Variants in TAS2R41 observed in about 807,000 individuals in gnomAD.
TAS2R41 encodes the protein taste receptor type 2 member 41.
A neutral mutation model predicts 25.1 loss-of-function variants in TAS2R41; 33 were observed. The ratio of observed to expected loss-of-function variants is 1.31; its 90% CI spans 1.00 to 1.76. The LOEUF is 1.76. Ranked by LOEUF, TAS2R41 falls within the 40% of genes most tolerant of loss-of-function variation. The probability of loss-of-function intolerance (pLI) is 0.00; values close to 1 mark genes in which losing one functional copy is unlikely to be tolerated. For synonymous variants in TAS2R41, 151 were observed against 151.6 expected (o/e 1.00, Z 0.03); for missense variants, 319 against 359.4 (o/e 0.89, Z 0.91).
At position 143,478,671 on chromosome 7, in the gene TAS2R41, C is replaced by T. The variant is rs775855108; in HGVS notation, c.799C>T (p.Pro267Ser). ...FISMQNDFYW[P>S]WQIAVYLCIS... is the part of the protein sequence containing the mutation. ...CTCCATGCAGAACGACTTTTACTGG[C>T]CATGGCAAATTGCAGTCTACCTGTG... Residue 267 changes from proline (P) to serine (S), a missense_variant, in exon 1 of 1, where the codon CCA (proline) becomes TCA (serine). Physicochemically the swap from Pro to Ser is moderately conservative, Grantham distance 74. Coordinates refer to ENST00000408916, the MANE Select transcript of TAS2R41 (RefSeq NM_176883.2). 13 of 1,614,082 alleles carry T rather than the reference C, an allele frequency of 8.1e-6. No homozygotes were observed. Among genetic ancestry groups the T allele is most frequent in the Non-Finnish European group, 1.0e-5 (12 of 1,180,018 alleles).
At position 143,478,103 on chromosome 7, in the gene TAS2R41, T is replaced by C. The variant is rs762660640; in HGVS notation, c.231T>C (p.Ser77=). 2 of 1,614,074 alleles carry C rather than the reference T, an allele frequency of 1.2e-6. No individual in the cohort carries two copies. The highest frequency in any genetic ancestry group is 1.7e-6 in the Non-Finnish European group (2 of 1,180,020). ...ACTCTGCCCAGAAGGTCGAGTACTC[T>C]GGGGGTCTCGGCCGACAGTTCTTCC... ...FYYSAQKVEY[S]GGLGRQFFHL... The change falls in exon 1 of 1, where the codon TCT becomes TCC. Residue 77 remains serine, a synonymous_variant. Transcript: ENST00000408916.
At position 143,477,962 on chromosome 7, in the gene TAS2R41, G is replaced by C; in HGVS notation, c.90G>C (p.Val30=). 1.2e-6 allele frequency: 2 copies of C among 1,614,130 alleles called. No individual in the cohort carries two copies. The highest frequency in any genetic ancestry group is 1.7e-6 in the Non-Finnish European group (2 of 1,180,036). Residue 30 remains valine (V), a synonymous_variant, in exon 1 of 1, where the codon GTG becomes GTC. Transcript: ENST00000408916. This position sits in a 1 kb window ranked among gnomAD's most constrained non-coding sequence, Gnocchi z 4.0. ...GIAANGFIVL[V]LGREWLRYGR... is the part of the protein sequence containing the mutation. ...CAGCGAATGGCTTCATTGTGCTGGT[G>C]CTGGGCAGGGAGTGGCTGCGATATG...
At position 143,478,786 on chromosome 7, in the gene TAS2R41, G is replaced by C; in HGVS notation, c.914G>C (p.Trp305Ser). The C allele has an allele frequency of 1.2e-6, 2 of 1,613,066 alleles. No individual in the cohort carries two copies. The highest frequency in any genetic ancestry group is 1.7e-6 in the Non-Finnish European group (2 of 1,179,208). The part of the protein sequence containing the change: ...SQLLLLARGF[W>S]VA The stretch of plus-strand genomic sequence containing the variant: ...CTCCTGTTGTTGGCAAGGGGCTTCT[G>C]GGTGGCCTAGATGGCATGGTTTCCT... The change falls in exon 1 of 1, where the codon TGG (tryptophan) becomes TCG (serine). Residue 305 changes from tryptophan (W) to serine (S), a missense_variant. Coordinates refer to ENST00000408916, the MANE Select transcript of TAS2R41 (RefSeq NM_176883.2).
chr7:143,477,969 A>G lies in TAS2R41; in HGVS notation c.97A>G (p.Arg33Gly). The change falls in exon 1 of 1, where the codon AGG becomes GGG. Residue 33 changes from arginine (R) to glycine (G), a missense_variant. Physicochemically the swap from Arg to Gly is moderately radical, Grantham distance 125 (BLOSUM62 -2). Coordinates refer to ENST00000408916, the MANE Select transcript of TAS2R41 (RefSeq NM_176883.2). The surrounding 1 kb of genome is among the most constrained non-coding windows in gnomAD (Gnocchi z 4.0). ...ANGFIVLVLG[R>G]EWLRYGRLLP... The stretch of plus-strand genomic sequence containing the variant: ...TGGCTTCATTGTGCTGGTGCTGGGC[A>G]GGGAGTGGCTGCGATATGGCAGGTT... 1 of 1,614,144 alleles carries G rather than the reference A, an allele frequency of 6.2e-7. No individual in the cohort carries two copies. The highest frequency in any genetic ancestry group is 8.5e-7 in the Non-Finnish European group (1 of 1,180,016).
In TAS2R41 at chr7:143,478,111, TC is replaced by T. The variant is rs767234345; in HGVS notation, c.240del (p.Gly81AlafsTer12). On this transcript the variant is annotated frameshift_variant, in exon 1 of 1. Coordinates refer to ENST00000408916, the MANE Select transcript of TAS2R41 (RefSeq NM_176883.2). LOFTEE classifies it high-confidence loss of function. Reference protein sequence around the residue: ...SAQKVEYSGGLGRQFFHLHWH... With the variant: ...SAQKVEYSGGXGRQFFHLHWH... The stretch of plus-strand genomic sequence containing the variant: ...CAGAAGGTCGAGTACTCTGGGGGTC[TC>T]GGCCGACAGTTCTTCCATCTACACT... The T allele has an allele frequency of 1.2e-6, 2 of 1,613,512 alleles. No individual in the cohort carries two copies. Among genetic ancestry groups the T allele is most frequent in the South Asian group, 2.2e-5 (2 of 91,056 alleles).
In TAS2R41 at chr7:143,478,472, T is replaced by C. The variant is rs1463014813; in HGVS notation, c.600T>C (p.Ile200=). The change falls in exon 1 of 1, where the codon ATT becomes ATC. Residue 200 remains isoleucine (I), a synonymous_variant. Coordinates refer to ENST00000408916, the MANE Select transcript of TAS2R41 (RefSeq NM_176883.2). ...CTTTTTCTGTTTTTCTGGTCTCAATTATGCTGTTAATTAATTCTCTGAGGA... is the reference window on the plus strand; with the variant it reads ...CTTTTTCTGTTTTTCTGGTCTCAATCATGCTGTTAATTAATTCTCTGAGGA... ...SIPFSVFLVS[I]MLLINSLRRH... 1.2e-6 allele frequency: 2 copies of C among 1,614,134 alleles called. No homozygotes were observed. Among genetic ancestry groups the C allele is most frequent in the East Asian group, 4.5e-5 (2 of 44,872 alleles).
In TAS2R41 at chr7:143,478,187, C is replaced by T; in HGVS notation, c.315C>T (p.Val105=). ...ATFWFCSWLS[V]LFCVKIANIT... is the part of the protein sequence containing the mutation. ...TCTGGTTTTGCAGCTGGCTCAGTGT[C>T]CTGTTCTGTGTGAAGATTGCTAACA... is the stretch of plus-strand genomic sequence containing the variant. Residue 105 remains valine, a synonymous_variant, in exon 1 of 1, where the codon GTC becomes GTT. Coordinates refer to ENST00000408916, the MANE Select transcript of TAS2R41 (RefSeq NM_176883.2). 1 of 1,614,084 alleles carries T rather than the reference C, an allele frequency of 6.2e-7. No homozygotes were observed.
In TAS2R41 at chr7:143,478,303, T is replaced by G. The variant is rs747835202; in HGVS notation, c.431T>G (p.Ile144Arg). The part of the protein sequence containing the change: ...LLGSVLISFI[I>R]TLLFFWVNYP... ...GGCTCTGTCCTGATCTCCTTCATCATAACCCTGCTGTTTTTTTGGGTGAAC... is the reference window on the plus strand; with the variant it reads ...GGCTCTGTCCTGATCTCCTTCATCAGAACCCTGCTGTTTTTTTGGGTGAAC... Residue 144 changes from isoleucine to arginine, a missense_variant, in exon 1 of 1, where the codon ATA becomes AGA. By Grantham distance (97) the Ile-to-Arg change is moderately conservative. Coordinates refer to ENST00000408916, the MANE Select transcript of TAS2R41 (RefSeq NM_176883.2). 1.9e-6 allele frequency: 3 copies of G among 1,614,130 alleles called. No individual in the cohort carries two copies. The highest frequency in any genetic ancestry group is 1.7e-6 in the Non-Finnish European group (2 of 1,180,026).
In TAS2R41 at chr7:143,478,651, T is replaced by G. The variant is rs773342447; in HGVS notation, c.779T>G (p.Met260Arg). The G allele has an allele frequency of 6.2e-7, 1 of 1,614,110 alleles. No individual in the cohort carries two copies. The change falls in exon 1 of 1, where the codon ATG becomes AGG. Residue 260 changes from methionine (M) to arginine (R), a missense_variant. By Grantham distance (91) the Met-to-Arg change is moderately conservative. Transcript: ENST00000408916. ...ATTGATGCCGCAAAATTTATCTCCA[T>G]GCAGAACGACTTTTACTGGCCATGG... ...LIIDAAKFIS[M>R]QNDFYWPWQI...
rs372235749 is a variant in TAS2R41, at chr7:143,478,589, C to T, written c.717C>T (p.Phe239=). The T allele has an allele frequency of 6.2e-7, 1 of 1,614,150 alleles. No homozygotes were observed. Among genetic ancestry groups the T allele is most frequent in the Non-Finnish European group, 8.5e-7 (1 of 1,180,038 alleles). ...GAGCTCTGAAGTCCCTCATCTCCTT[C>T]CTCATTCTTTATGCTCTGTCCTTTC... is the stretch of plus-strand genomic sequence containing the variant. ...HTRALKSLIS[F]LILYALSFLS... The change falls in exon 1 of 1, where the codon TTC becomes TTT. Residue 239 remains phenylalanine (F), a synonymous_variant. Transcript: ENST00000408916.
rs1448758649 is a variant in TAS2R41, at chr7:143,478,702, C to T, written c.830C>T (p.Ser277Phe). ...CAAATTGCAGTCTACCTGTGCATATCTGTCCATCCCTTCATCCTCATCTTC... is the reference window on the plus strand; with the variant it reads ...CAAATTGCAGTCTACCTGTGCATATTTGTCCATCCCTTCATCCTCATCTTC... ...PWQIAVYLCISVHPFILIFSN... is the reference protein window; with the variant it reads ...PWQIAVYLCIFVHPFILIFSN... The change falls in exon 1 of 1, where the codon TCT becomes TTT. Residue 277 changes from serine to phenylalanine, a missense_variant. Transcript: ENST00000408916. The T allele has an allele frequency of 3.7e-6, 6 of 1,614,142 alleles. No homozygotes were observed. The highest frequency in any genetic ancestry group is 4.2e-6 in the Non-Finnish European group (5 of 1,180,026).
Position 143,478,373 on chromosome 7 carries a change from C to T in TAS2R41, c.501C>T (p.Asn167=). ...TTTTAATTAGAAAATTTTCTGGGAA[C>T]ATGACCTACAAGTGGAATACAAGGA... is the stretch of plus-strand genomic sequence containing the variant. ...QEFLIRKFSG[N]MTYKWNTRIE... Residue 167 remains asparagine, a synonymous_variant, in exon 1 of 1, where the codon AAC becomes AAT. Coordinates refer to ENST00000408916, the MANE Select transcript of TAS2R41 (RefSeq NM_176883.2). 1 of 1,614,118 alleles carries T rather than the reference C, an allele frequency of 6.2e-7. No homozygotes were observed. The highest frequency in any genetic ancestry group is 8.5e-7 in the Non-Finnish European group (1 of 1,180,022).
chr7:143,478,619 C>T lies in TAS2R41; in HGVS notation c.747C>T (p.Ser249=). Residue 249 remains serine, a synonymous_variant, in exon 1 of 1, where the codon TCC becomes TCT. Transcript: ENST00000408916. ...TTCTTTATGCTCTGTCCTTTCTGTC[C>T]CTGATCATTGATGCCGCAAAATTTA... ...FLILYALSFL[S]LIIDAAKFIS... 1 of 1,614,112 alleles carries T rather than the reference C, an allele frequency of 6.2e-7. No homozygotes were observed. Among genetic ancestry groups the T allele is most frequent in the Non-Finnish European group, 8.5e-7 (1 of 1,180,018 alleles).
chr7:143,478,585 C>A lies in TAS2R41; in HGVS notation c.713C>A (p.Ser238Tyr), dbSNP rs1807079325. The change falls in exon 1 of 1, where the codon TCC (serine) becomes TAC (tyrosine). Residue 238 changes from serine to tyrosine, a missense_variant. Ser to Tyr is a moderately radical substitution (Grantham distance 144, BLOSUM62 -2). Transcript: ENST00000408916. ...AHTRALKSLI[S>Y]FLILYALSFL... ...ACCAGAGCTCTGAAGTCCCTCATCT[C>A]CTTCCTCATTCTTTATGCTCTGTCC... The A allele has an allele frequency of 6.2e-7, 1 of 1,614,048 alleles. No individual in the cohort carries two copies. Among genetic ancestry groups the A allele is most frequent in the Non-Finnish European group, 8.5e-7 (1 of 1,180,038 alleles).
rs765683243 is a variant in TAS2R41 at position 143,478,595 on chromosome 7, T to G, written c.723T>G (p.Ile241Met). Residue 241 changes from isoleucine (I) to methionine (M), a missense_variant, in exon 1 of 1, where the codon ATT becomes ATG. By Grantham distance (10) the Ile-to-Met change is conservative. Transcript: ENST00000408916. ...TGAAGTCCCTCATCTCCTTCCTCAT[T>G]CTTTATGCTCTGTCCTTTCTGTCCC... ...RALKSLISFLILYALSFLSLI... is the reference protein window; with the variant it reads ...RALKSLISFLMLYALSFLSLI... 2 of 1,614,056 alleles carry G rather than the reference T, an allele frequency of 1.2e-6. No homozygotes were observed. Among genetic ancestry groups the G allele is most frequent in the South Asian group, 2.2e-5 (2 of 91,068 alleles).
Position 143,478,290 on chromosome 7 carries a change from A to C in TAS2R41, c.418A>C (p.Ile140Leu). ...CTGGCTCCTGTTGGGCTCTGTCCTG[A>C]TCTCCTTCATCATAACCCTGCTGTT... ...VPWLLLGSVL[I>L]SFIITLLFFW... The change falls in exon 1 of 1, where the codon ATC becomes CTC. Residue 140 changes from isoleucine (I) to leucine (L), a missense_variant. Coordinates refer to ENST00000408916, the MANE Select transcript of TAS2R41 (RefSeq NM_176883.2). 2 of 1,526,592 alleles carry C rather than the reference A, an allele frequency of 1.3e-6. No homozygotes were observed. Among genetic ancestry groups the C allele is most frequent in the Non-Finnish European group, 1.8e-6 (2 of 1,102,924 alleles). The allele number at this position is 1,526,592 out of a possible 1,614,324, so 94.6% of individuals were successfully genotyped here.
In TAS2R41 at chr7:143,478,065, CA is replaced by C; in HGVS notation, c.194del (p.His65ProfsTer28). 6 of 1,614,092 alleles carry C rather than the reference CA, an allele frequency of 3.7e-6. No homozygotes were observed. The highest frequency in any genetic ancestry group is 5.1e-6 in the Non-Finnish European group (6 of 1,180,016). ...RFCLQLVGTV[H>X]NFYYSAQKVE... ...CTGCCTGCAGTTGGTTGGGACGGTG[CA>C]CAACTTCTACTACTCTGCCCAGAAG... On this transcript the variant is annotated frameshift_variant, in exon 1 of 1. Transcript: ENST00000408916. LOFTEE classifies it high-confidence loss of function.
chr7:143,478,383 A>T lies in TAS2R41; in HGVS notation c.511A>T (p.Lys171Ter). The T allele has an allele frequency of 6.2e-7, 1 of 1,614,066 alleles. No individual in the cohort carries two copies. The highest frequency in any genetic ancestry group is 8.5e-7 in the Non-Finnish European group (1 of 1,180,006). The change falls in exon 1 of 1, where the codon AAG becomes TAG. Residue 171 changes from lysine to a stop codon, truncating the protein, a stop_gained. Transcript: ENST00000408916. LOFTEE classifies it high-confidence loss of function. ...AAAATTTTCTGGGAACATGACCTACAAGTGGAATACAAGGATAGAAACATA... is the reference window on the plus strand; with the variant it reads ...AAAATTTTCTGGGAACATGACCTACTAGTGGAATACAAGGATAGAAACATA... ...IRKFSGNMTY[K>*]WNTRIETYYF...
In TAS2R41 at chr7:143,477,965, G is replaced by A; in HGVS notation, c.93G>A (p.Leu31=). Residue 31 remains leucine (L), a synonymous_variant, in exon 1 of 1, where the codon CTG becomes CTA. Coordinates refer to ENST00000408916, the MANE Select transcript of TAS2R41 (RefSeq NM_176883.2). The surrounding 1 kb of genome is among the most constrained non-coding windows in gnomAD (Gnocchi z 4.0). ...IAANGFIVLV[L]GREWLRYGRL... ...CGAATGGCTTCATTGTGCTGGTGCT[G>A]GGCAGGGAGTGGCTGCGATATGGCA... 6.2e-7 allele frequency: 1 copy of A among 1,614,134 alleles called. No individual in the cohort carries two copies. The highest frequency in any genetic ancestry group is 8.5e-7 in the Non-Finnish European group (1 of 1,180,034).
Sources: allele counts gnomAD v4.1 joint callset, GRCh38; gene constraint gnomAD v4.1.1; non-coding constraint Gnocchi (gnomAD v3.1); transcripts MANE v1.5; gene names NCBI Gene and HGNC (gene_info 2026-07-23, HGNC 2026-07-21).